Variants in PDZRN3 observed in about 807,000 individuals in gnomAD.
PDZRN3 encodes the protein E3 ubiquitin-protein ligase PDZRN3.
A neutral mutation model predicts 85.7 loss-of-function variants in PDZRN3; 38 were observed. The observed-to-expected ratio is 0.44, with a 90% confidence interval of 0.34 to 0.58. The LOEUF (loss-of-function observed/expected upper bound fraction) is 0.58, where lower values mean the gene tolerates loss of function less well. PDZRN3 is among the 20% of genes least tolerant of loss of function. PDZRN3 has a pLI of 0.01. For missense variants in PDZRN3, 1,629 were observed against 1,506.4 expected (o/e 1.08, Z -1.35); for synonymous variants, 759 against 638.0 (o/e 1.19, Z -2.86).
chr3:73,473,241 G>A (rs943399230), intron 3 of PDZRN3, among the ~76,000 whole-genome samples: 1 of 152,046 alleles, frequency 6.6e-6, no homozygotes, highest in African/African-American at 2.4e-5. Flanking sequence ...CTCTTTCGCA[G>A]AAATATTTTT....
chr3:73,458,191 G>T (rs1234314798), intron 3 of PDZRN3, among the ~76,000 whole-genome samples: 1 of 152,074 alleles, frequency 6.6e-6, no homozygotes, highest in African/African-American at 2.4e-5. Flanking sequence ...TTTAGCTTGG[G>T]GTGGCTTTGC....
At chr3:73,474,789 C>T (rs929284567) in intron 3 of PDZRN3, among the ~76,000 whole-genome samples, 1 of 152,068 alleles carries the variant, frequency 6.6e-6, no homozygotes, top group South Asian at 2.1e-4. Flanking sequence ...AAGAAAGGAG[C>T]AAGCTGTGAA....
At position 73,397,037 on chromosome 3, in the gene PDZRN3, TC is replaced by T. The variant is rs1428479190; in HGVS notation, c.1254+3884del. On this transcript the variant is annotated intron_variant, in intron 5 of 9. Coordinates refer to ENST00000263666, the MANE Select transcript of PDZRN3 (RefSeq NM_015009.3). ...CTTTTATTTCTTTCTTCTTTTTCTT[TC>T]TTTTTTTTTTTTTGAGACAGAGTCT... 5.0e-4 allele frequency among the ~76,000 whole-genome samples: 69 copies of T among 138,214 alleles called. 1 individual carries two copies. The highest frequency in any genetic ancestry group is 1.6e-3 in the African/African-American group (65 of 39,670). The allele number at this position is 138,214 out of a possible 152,430, so 90.7% of individuals were successfully genotyped here. A position where few individuals can be genotyped will look rare whatever the true frequency, so the allele number is the denominator to read the frequency against.
At chr3:73,561,907 CAA>C (rs1251365290) in intron 3 of PDZRN3, among the ~76,000 whole-genome samples, 3 of 151,262 alleles carry the variant, frequency 2.0e-5, no homozygotes, top group Non-Finnish European at 2.9e-5. Flanking sequence ...CAGAGAAACC[CAA>C]GTCATTTTTT....
intron 3 of PDZRN3, among the ~76,000 whole-genome samples, chr3:73,552,225 AGTGTGT>A (rs55784793): frequency 3.1e-3 from 464 of 147,334 alleles, no homozygotes; most frequent in Admixed American, 3.4e-3. Flanking sequence ...GAATTAAAGG[AGTGTGT>A]GTGTGTGTGT....
intron 5 of PDZRN3, among the ~76,000 whole-genome samples, chr3:73,393,340 T>TCTACTA (rs148277626): frequency 1.4e-3 from 209 of 151,998 alleles, no homozygotes; most frequent in African/African-American, 4.8e-3. Flanking sequence ...TACTGGACTT[T>TCTACTA]CTACTACTAC....
rs1702930724 is a variant in PDZRN3 at position 73,454,139 on chromosome 3, T to C, written c.919-49744A>G. ...CCAGCTTAAAAACAAACATAGATGA[T>C]GGTATCCCCTGGGCAGGAGAGGAGG... On this transcript the variant is annotated intron_variant, in intron 3 of 9. Coordinates refer to ENST00000263666, the MANE Select transcript of PDZRN3 (RefSeq NM_015009.3). 7.9e-5 allele frequency among the ~76,000 whole-genome samples: 12 copies of C among 152,282 alleles called. No homozygotes were observed. In the South Asian group the frequency reaches 2.3e-3, roughly 29 times the overall value.
chr3:73,429,096 C>A (rs547380609), intron 3 of PDZRN3, among the ~76,000 whole-genome samples: 5 of 152,022 alleles, frequency 3.3e-5, no homozygotes, highest in African/African-American at 1.2e-4. Context: ...TCTTTTGTAG[C>A]GATGGGATCT....
At chr3:73,587,751 G>A (rs1195918977) in intron 3 of PDZRN3, among the ~76,000 whole-genome samples, 1 of 152,098 alleles carries the variant, frequency 6.6e-6, no homozygotes, top group African/African-American at 2.4e-5. Flanking sequence ...GCATGCTGAA[G>A]TCAGGGAGCA....
At chr3:73,388,494 T>C (rs1329577028) in intron 7 of PDZRN3, among the ~76,000 whole-genome samples, 1 of 152,202 alleles carries the variant, frequency 6.6e-6, no homozygotes, top group Non-Finnish European at 1.5e-5. Flanking sequence ...AATAGAATTA[T>C]ACATGGTGTT....
At chr3:73,614,780 G>C (rs1414540752) in intron 1 of PDZRN3, among the ~76,000 whole-genome samples, 1 of 152,278 alleles carries the variant, frequency 6.6e-6, no homozygotes, top group East Asian at 1.9e-4. Flanking sequence ...AAGAATTGCT[G>C]ATGTCTTCAC....
chr3:73,430,919 TAA>T (rs1206498783), intron 3 of PDZRN3, among the ~76,000 whole-genome samples: 1 of 152,230 alleles, frequency 6.6e-6, no homozygotes, highest in African/African-American at 2.4e-5. Flanking sequence ...CAAGACAGGC[TAA>T]AGTTTTCCAA....
intron 3 of PDZRN3, among the ~76,000 whole-genome samples, chr3:73,443,472 C>A: frequency 2.1e-5 from 1 of 48,240 alleles, no homozygotes; most frequent in South Asian, 1.0e-3. Flanking sequence ...GATTTATTTT[C>A]CTTTTTCTTT....
intron 3 of PDZRN3, among the ~76,000 whole-genome samples, chr3:73,510,972 C>T (rs144901173): frequency 2.6e-4 from 40 of 152,214 alleles, no homozygotes; most frequent in East Asian, 1.2e-3. Flanking sequence ...ACAGAGAAAC[C>T]GTGGCTGGGG....
At chr3:73,566,001 C>T (rs1228782110) in intron 3 of PDZRN3, among the ~76,000 whole-genome samples, 1 of 152,112 alleles carries the variant, frequency 6.6e-6, no homozygotes, top group Non-Finnish European at 1.5e-5. Context: ...CCTTTTCTTA[C>T]CTCCAGAAAA....
At chr3:73,608,467 T>C (rs1032364049) in intron 2 of PDZRN3, 131 bp downstream of exon 2, 27 of 689,984 alleles carry the variant, frequency 3.9e-5, no homozygotes, top group Non-Finnish European at 7.1e-5. Flanking sequence ...AGACAGCCAA[T>C]GAACCCTCTA....
chr3:73,587,587 A>G (rs1029720200), intron 3 of PDZRN3, among the ~76,000 whole-genome samples: 7 of 152,238 alleles, frequency 4.6e-5, no homozygotes, highest in Non-Finnish European at 1.0e-4. Context: ...AGTAACATTA[A>G]TATTTATCTT....
At chr3:73,605,726 T>A (rs1420939892) in intron 2 of PDZRN3, among the ~76,000 whole-genome samples, 1 of 152,240 alleles carries the variant, frequency 6.6e-6, no homozygotes, top group Non-Finnish European at 1.5e-5. Flanking sequence ...CAGGCAACAG[T>A]GCAGAATACA....
At chr3:73,600,358 C>CTCTCTA (rs1382186332) in intron 3 of PDZRN3, among the ~76,000 whole-genome samples, 17 of 151,298 alleles carry the variant, frequency 1.1e-4, no homozygotes, top group Non-Finnish European at 2.1e-4. Flanking sequence ...CTCTCTCTCT[C>CTCTCTA]TCTCTCTCAA....
Sources: gnomAD v4.1 joint callset for allele counts (sites outside exome capture counted in the v4.1 genomes callset) on GRCh38, gnomAD v4.1.1 for gene constraint, MANE v1.5 for transcripts, NCBI Gene and HGNC (gene_info 2026-07-23, HGNC 2026-07-21) for gene names.